Variants in ANKRD44 observed in about 807,000 individuals in gnomAD.
ANKRD44 encodes the protein serine/threonine-protein phosphatase 6 regulatory ankyrin repeat subunit B.
In ANKRD44, 35 loss-of-function variants were observed where a neutral mutation model predicts 116.0. That is an observed-to-expected ratio of 0.30 (90% CI 0.23 to 0.40). The LOEUF (loss-of-function observed/expected upper bound fraction) is 0.40, where lower values mean the gene tolerates loss of function less well. Among genes scored for constraint, ANKRD44 ranks in the 10% least tolerant of loss-of-function variants. The pLI is 1.00. For synonymous variants in ANKRD44, 435 were observed against 461.8 expected, an observed-to-expected ratio of 0.94 and a Z score of 0.74; for missense variants, 1,014 against 1,242.6, an observed-to-expected ratio of 0.82 and a Z score of 2.77.
chr2:197,281,691 C>T (rs1203929745), intron 1 of ANKRD44, among the ~76,000 whole-genome samples: 1 of 152,082 alleles, frequency 6.6e-6, no homozygotes, highest in African/African-American at 2.4e-5. Flanking sequence ...AATAAGGTGA[C>T]GTTTACTGCA....
At chr2:197,015,878 G>C (rs1464805960) in intron 17 of ANKRD44, 7 of 516,092 alleles carry the variant, frequency 1.4e-5, no homozygotes. Flanking sequence ...AATGATTCTG[G>C]AAATTATAGT....
intron 9 of ANKRD44, among the ~76,000 whole-genome samples, chr2:197,108,581 G>A (rs1305609397): frequency 6.6e-6 from 1 of 152,140 alleles, no homozygotes; most frequent in Non-Finnish European, 1.5e-5. Context: ...GCTCACACCT[G>A]TTAGCCCAGC....
chr2:197,110,994 T>G, intron 8 of ANKRD44, 150 bp from the exon 9 acceptor site: 1 of 606,354 alleles, frequency 1.6e-6, no homozygotes, highest in African/African-American at 1.8e-5. Flanking sequence ...GAGGCTGCAG[T>G]GAGCTAGGAT....
At chr2:197,085,506 C>T (rs1261255509) in intron 13 of ANKRD44, among the ~76,000 whole-genome samples, 1 of 152,128 alleles carries the variant, frequency 6.6e-6, no homozygotes, top group Non-Finnish European at 1.5e-5. Flanking sequence ...TCATGAAGAC[C>T]TTGCTGATGA....
At chr2:197,059,855 C>T (rs925572500) in intron 16 of ANKRD44, among the ~76,000 whole-genome samples, 6 of 152,122 alleles carry the variant, frequency 3.9e-5, no homozygotes, top group Admixed American at 3.3e-4. Flanking sequence ...ATTTTGAAAA[C>T]AAGGTGATAT....
At chr2:197,185,761 A>G (rs1279887649) in intron 2 of ANKRD44, among the ~76,000 whole-genome samples, 2 of 152,220 alleles carry the variant, frequency 1.3e-5, no homozygotes, top group Admixed American at 6.5e-5. Flanking sequence ...CATTTCACAC[A>G]AAATATGTAT....
chr2:197,120,173 G>A (rs2125318244), intron 8 of ANKRD44, among the ~76,000 whole-genome samples: 1 of 152,276 alleles, frequency 6.6e-6, no homozygotes, highest in Admixed American at 6.5e-5. Context: ...TTACCTGAGT[G>A]CATGCTACCT....
At position 197,179,932 on chromosome 2, in the gene ANKRD44, G is replaced by C. The variant is rs533810001; in HGVS notation, c.111+7091C>G. 2.4e-4 allele frequency among the ~76,000 whole-genome samples: 37 copies of C among 152,286 alleles called. No individual in the cohort carries two copies. The South Asian group carries it at 5.6e-3, about 23-fold the overall frequency. On this transcript the variant is annotated intron_variant, in intron 2 of 27. Coordinates refer to ENST00000282272, the MANE Select transcript of ANKRD44 (RefSeq NM_001195144.2). ...ACATCCTGGGCAGGGGTCCAACAAG[G>C]GGGGCGTGGATGAGAGTGGATGGGG... is the stretch of plus-strand genomic sequence containing the variant.
intron 1 of ANKRD44, among the ~76,000 whole-genome samples, chr2:197,202,038 C>T (rs1331256019): frequency 6.6e-6 from 1 of 152,186 alleles, no homozygotes. Context: ...TTTTAGCTGC[C>T]CCTCCTCCAC....
chr2:197,062,587 G>A (rs971426056), intron 16 of ANKRD44, among the ~76,000 whole-genome samples: 3 of 152,128 alleles, frequency 2.0e-5, no homozygotes, highest in East Asian at 3.9e-4. Flanking sequence ...CCTACCCAAG[G>A]GAAGCACCTG....
intron 16 of ANKRD44, among the ~76,000 whole-genome samples, chr2:197,030,789 T>C (rs1214510079): frequency 6.6e-6 from 1 of 152,220 alleles, no homozygotes; most frequent in African/African-American, 2.4e-5. Flanking sequence ...GCCTGACTGA[T>C]TCAAAGAGCA....
intron 26 of ANKRD44, chr2:196,994,510 C>CTTCTTCTTT (rs990806012): frequency 6.6e-6 from 1 of 150,824 alleles, no homozygotes; most frequent in African/African-American, 2.4e-5. Flanking sequence ...TCTTCTTCTT[C>CTTCTTCTTT]TTTTCTTTTT....
chr2:197,033,298 ATGG>A (rs1044369042), intron 16 of ANKRD44, among the ~76,000 whole-genome samples: 4 of 152,220 alleles, frequency 2.6e-5, no homozygotes, highest in Admixed American at 6.5e-5. Flanking sequence ...GATGATGATG[ATGG>A]TGGTGGTGGT....
At chr2:197,053,470 A>C (rs1050156072) in intron 16 of ANKRD44, among the ~76,000 whole-genome samples, 1 of 152,064 alleles carries the variant, frequency 6.6e-6, no homozygotes, top group African/African-American at 2.4e-5. Context: ...ATTATAATTC[A>C]CTTCTACCTA....
intron 1 of ANKRD44, among the ~76,000 whole-genome samples, chr2:197,223,352 A>C (rs1298900293): frequency 6.6e-6 from 1 of 152,196 alleles, no homozygotes; most frequent in Admixed American, 6.5e-5. Context: ...TATGACCATA[A>C]ATAATGTAGT....
chr2:197,200,241 T>A (rs2081062153), intron 1 of ANKRD44, among the ~76,000 whole-genome samples: 2 of 152,084 alleles, frequency 1.3e-5, no homozygotes, highest in Admixed American at 1.3e-4. Context: ...GCCATAATAT[T>A]CTAGGAGCCT....
chr2:197,146,764 T>C (rs1269675241), intron 3 of ANKRD44, among the ~76,000 whole-genome samples: 2 of 152,170 alleles, frequency 1.3e-5, no homozygotes, highest in Admixed American at 6.5e-5. Context: ...CCAAATGTAC[T>C]GAATTCATCT....
rs756359565 is a variant in ANKRD44, at chr2:197,083,394, C to T, written c.1432G>A (p.Ala478Thr). The T allele has an allele frequency of 7.4e-6, 12 of 1,613,210 alleles. No individual in the cohort carries two copies. Among genetic ancestry groups the T allele is most frequent in the African/African-American group, 5.3e-5 (4 of 74,892 alleles). The change falls in exon 14 of 28, where the codon GCC becomes ACC. Residue 478 changes from alanine to threonine, a missense_variant. Coordinates refer to ENST00000282272, the MANE Select transcript of ANKRD44 (RefSeq NM_001195144.2). ...DDWGRTALHY[A>T]AASDMDRNKT... ...TTTCTATCCATGTCTGATGCAGCGG[C>T]GTAATGCAAAGCTGTGCGTCCCCAG...
At chr2:197,075,723 T>C (rs2077651793) in intron 16 of ANKRD44, among the ~76,000 whole-genome samples, 1 of 152,232 alleles carries the variant, frequency 6.6e-6, no homozygotes, top group African/African-American at 2.4e-5. Flanking sequence ...TAATAATTTC[T>C]GTTTATTTTT....
Sources: allele counts gnomAD v4.1 joint callset (sites outside exome capture counted in the v4.1 genomes callset), GRCh38; gene constraint gnomAD v4.1.1; transcripts MANE v1.5; gene names NCBI Gene and HGNC (gene_info 2026-07-23, HGNC 2026-07-21).